The following TRPM3 variants were observed in gnomAD, a reference collection of about 807,000 sequenced individuals.
TRPM3 encodes the protein long transient receptor potential channel 3.
A neutral mutation model predicts 181.2 loss-of-function variants in TRPM3; 77 were observed. The ratio of observed to expected loss-of-function variants is 0.42; its 90% CI spans 0.35 to 0.51. The LOEUF is 0.51. TRPM3 is among the 20% of genes least tolerant of loss of function. The probability of loss-of-function intolerance (pLI) is 0.01; values close to 1 mark genes in which losing one functional copy is unlikely to be tolerated. For synonymous variants in TRPM3, 745 were observed against 796.4 expected (o/e 0.94, Z 1.09); for missense variants, 1,759 against 2,196.7 (o/e 0.80, Z 3.98).
intron 6 of TRPM3, among the ~76,000 whole-genome samples, chr9:70,809,197 C>A (rs1436273168): frequency 1.3e-5 from 2 of 151,966 alleles, no homozygotes; most frequent in Non-Finnish European, 2.9e-5. Flanking sequence ...AGTATTATTG[C>A]AAAATAGTCT....
chr9:70,801,548 G>A (rs1437171103), intron 6 of TRPM3, among the ~76,000 whole-genome samples: 1 of 151,970 alleles, frequency 6.6e-6, no homozygotes, highest in Non-Finnish European at 1.5e-5. Context: ...GATGGTGCTG[G>A]AAATAAATCC....
intron 22 of TRPM3, among the ~76,000 whole-genome samples, chr9:70,557,170 T>C (rs2047914903): frequency 6.6e-6 from 1 of 152,186 alleles, no homozygotes; most frequent in Non-Finnish European, 1.5e-5. Context: ...TTTGCATTAT[T>C]GTGTGATATG....
At chr9:70,584,024 T>C (rs1398134173) in intron 22 of TRPM3, among the ~76,000 whole-genome samples, 1 of 152,108 alleles carries the variant, frequency 6.6e-6, no homozygotes, top group Non-Finnish European at 1.5e-5. Flanking sequence ...TATCACTGAA[T>C]ACAAACTCCT....
intron 8 of TRPM3, among the ~76,000 whole-genome samples, chr9:70,690,058 A>G (rs2068062885): frequency 6.6e-6 from 1 of 152,166 alleles, no homozygotes; most frequent in Admixed American, 6.5e-5. Context: ...CCATGAAAAT[A>G]GAGATGAAGA....
chr9:71,422,028 C>T (rs914913159), intron 1 of TRPM3, among the ~76,000 whole-genome samples: 2 of 151,888 alleles, frequency 1.3e-5, no homozygotes, highest in Non-Finnish European at 2.9e-5. Flanking sequence ...AGTTCTAAGC[C>T]AGCTCTTTGA....
chr9:71,420,966 GGAGAGAAAAAGA>G (rs758337439), intron 1 of TRPM3, among the ~76,000 whole-genome samples: 221 of 39,452 alleles, frequency 5.6e-3, no homozygotes, highest in African/African-American at 7.6e-3. Flanking sequence ...AGAGAAAAAG[GGAGAGAAAAAGA>G]GAGAGAAAAA....
intron 1 of TRPM3, among the ~76,000 whole-genome samples, chr9:71,317,753 T>C (rs2088782322): frequency 6.6e-6 from 1 of 152,174 alleles, no homozygotes. Context: ...TCTACTTACA[T>C]TTTTAAACTA....
At chr9:70,600,678 G>C (rs1487506591) in intron 20 of TRPM3, among the ~76,000 whole-genome samples, 2 of 152,168 alleles carry the variant, frequency 1.3e-5, no homozygotes, top group Non-Finnish European at 2.9e-5. Flanking sequence ...CACAGTTTGA[G>C]AACCACTGCC....
chr9:71,321,716 T>A (rs184017524), intron 1 of TRPM3, among the ~76,000 whole-genome samples: 1 of 152,264 alleles, frequency 6.6e-6, no homozygotes, highest in African/African-American at 2.4e-5. Flanking sequence ...GTGCCTATGA[T>A]CTGCTAAAGG....
intron 9 of TRPM3, 86 bp from the exon 10 acceptor site, chr9:70,640,746 G>T: frequency 1.0e-6 from 1 of 962,444 alleles, no homozygotes; most frequent in Non-Finnish European, 1.6e-6. Flanking sequence ...CCATCCCTCT[G>T]CCATTAATGC....
At chr9:71,429,429 G>A (rs1445640174) in intron 1 of TRPM3, among the ~76,000 whole-genome samples, 1 of 152,060 alleles carries the variant, frequency 6.6e-6, no homozygotes, top group Admixed American at 6.6e-5. Context: ...GTACAATGAG[G>A]TTGTCATAAG....
intron 19 of TRPM3, among the ~76,000 whole-genome samples, chr9:70,610,002 C>CTCTT (rs1367984387): frequency 1.3e-5 from 2 of 152,232 alleles, no homozygotes; most frequent in African/African-American, 4.8e-5. Context: ...GGACAATCCA[C>CTCTT]TCTTTTGTAG....
At chr9:70,779,848 T>C (rs532982178) in intron 7 of TRPM3, among the ~76,000 whole-genome samples, 3 of 152,246 alleles carry the variant, frequency 2.0e-5, no homozygotes, top group African/African-American at 4.8e-5. Context: ...TTCTAAACTA[T>C]GACAGATGAG....
At chr9:70,689,588 G>A (rs181134608) in intron 8 of TRPM3, among the ~76,000 whole-genome samples, 4 of 151,864 alleles carry the variant, frequency 2.6e-5, no homozygotes, top group East Asian at 1.9e-4. Context: ...GGAAAAAGAA[G>A]TAACAAAGCA....
In TRPM3 at chr9:70,942,920, G is replaced by A. The variant is rs2096899458; in HGVS notation, c.178-78409C>T. On this transcript the variant is annotated intron_variant, in intron 1 of 25. Transcript: ENST00000677713. Reference sequence around the variant, plus strand: ...TACCCACCAAATTTCAAAAACCACTGGCTTTGGGGATTAAAGATAAACTAA... The same window carrying A: ...TACCCACCAAATTTCAAAAACCACTAGCTTTGGGGATTAAAGATAAACTAA... Among the ~76,000 whole-genome samples, 3 of 152,156 alleles carry A rather than the reference G, an allele frequency of 2.0e-5. No individual in the cohort carries two copies. The South Asian group carries it at 6.2e-4, about 32-fold the overall frequency.
intron 1 of TRPM3, among the ~76,000 whole-genome samples, chr9:71,301,054 G>C (rs775402098): frequency 6.6e-5 from 10 of 152,108 alleles, no homozygotes; most frequent in Non-Finnish European, 1.5e-4. Flanking sequence ...AATATGTATA[G>C]GGTACTTCCT....
At chr9:70,758,881 G>C (rs1166162994) in intron 8 of TRPM3, among the ~76,000 whole-genome samples, 1 of 152,222 alleles carries the variant, frequency 6.6e-6, no homozygotes, top group African/African-American at 2.4e-5. Flanking sequence ...AAAAACCCTA[G>C]AAGAAAACCT....
rs939238037 is a variant in TRPM3 at position 71,222,683 on chromosome 9, T to C, written c.183+223970A>G. Among the ~76,000 whole-genome samples the C allele has an allele frequency of 6.6e-5, 10 of 152,268 alleles. 1 individual carries two copies. In the East Asian group the frequency reaches 1.4e-3, roughly 21 times the overall value. On this transcript the variant is annotated intron_variant, in intron 1 of 24. Coordinates refer to the TRPM3 transcript ENST00000357533. Reference sequence around the variant, plus strand: ...AGAGGGTGGATAAGATAGTCTTGAATTGACAACACCATCACTCCCCCATCC... The same window carrying C: ...AGAGGGTGGATAAGATAGTCTTGAACTGACAACACCATCACTCCCCCATCC...
chr9:70,988,246 T>A (rs538845548), intron 1 of TRPM3, among the ~76,000 whole-genome samples: 2 of 152,292 alleles, frequency 1.3e-5, no homozygotes, highest in South Asian at 4.1e-4. Flanking sequence ...TTAAAATACA[T>A]ACTAATGTTT....
Sources: gnomAD v4.1 joint callset for allele counts (sites outside exome capture counted in the v4.1 genomes callset) on GRCh38, gnomAD v4.1.1 for gene constraint, MANE v1.5 for transcripts, NCBI Gene and HGNC (gene_info 2026-07-23, HGNC 2026-07-21) for gene names.